Variants in TRAK1 observed in about 807,000 individuals in gnomAD.
The protein encoded by TRAK1 is trafficking kinesin protein 1.
In TRAK1, 33 loss-of-function variants were observed where a neutral mutation model predicts 92.1. The observed-to-expected ratio is 0.36, with a 90% CI of 0.27 to 0.48. The LOEUF (loss-of-function observed/expected upper bound fraction) is 0.48. Ranked by LOEUF, TRAK1 falls within the 20% of genes least tolerant of loss-of-function variation. The pLI, the probability that TRAK1 is intolerant of heterozygous loss-of-function variation, is 0.99. For synonymous variants in TRAK1, 521 were observed against 517.3 expected (o/e 1.01, Z -0.10); for missense variants, 1,123 against 1,257.9 (o/e 0.89, Z 1.62).
intron 1 of TRAK1, among the ~76,000 whole-genome samples, chr3:42,017,751 ATTG>A (rs1420225341): frequency 3.3e-5 from 5 of 152,172 alleles, no homozygotes; most frequent in Non-Finnish European, 5.9e-5. Context: ...TTTAATTATT[ATTG>A]TTAATAGTGC....
chr3:42,168,772 A>G (rs111740386), intron 2 of TRAK1, among the ~76,000 whole-genome samples: 23,788 of 151,896 alleles, frequency 0.16, 2,119 homozygotes, highest in Non-Finnish European at 0.21. Flanking sequence ...GGGATTTGCT[A>G]TATTGTCCAG....
In TRAK1 at chr3:42,176,838, A is replaced by G. The variant is rs759551238; in HGVS notation, c.311A>G (p.Gln104Arg). 6 of 1,614,176 alleles carry G rather than the reference A, an allele frequency of 3.7e-6. No homozygotes were observed. Among genetic ancestry groups the G allele is most frequent in the Non-Finnish European group, 5.1e-6 (6 of 1,180,000 alleles). The stretch of plus-strand genomic sequence containing the variant: ...GTTTTATGTGCTGAAAGAGTTGGCC[A>G]GATGACTAAGACATATAATGACATA... ...YFLLCAERVGQMTKTYNDIDA... is the reference protein window; with the variant it reads ...YFLLCAERVGRMTKTYNDIDA... Residue 104 changes from glutamine (Q) to arginine (R), a missense_variant, in exon 3 of 16, where the codon CAG becomes CGG. Gln to Arg is a conservative substitution (Grantham distance 43). This residue lies in a region of TRAK1 where 686 missense variants were observed against 747.6 expected (regional missense o/e 0.92). Coordinates refer to ENST00000327628, the MANE Select transcript of TRAK1 (RefSeq NM_001042646.3).
At chr3:42,183,158 T>C (rs1704247182) in intron 3 of TRAK1, among the ~76,000 whole-genome samples, 1 of 152,216 alleles carries the variant, frequency 6.6e-6, no homozygotes, top group South Asian at 2.1e-4. Context: ...CACTTTGGTG[T>C]TTTCAATTCT....
At chr3:42,060,240 A>G (rs1188204892) in intron 1 of TRAK1, among the ~76,000 whole-genome samples, 1 of 151,126 alleles carries the variant, frequency 6.6e-6, no homozygotes, top group Admixed American at 6.6e-5. Context: ...CAGAAGGAAT[A>G]GCTTCTAAGA....
upstream of TRAK1, chr3:42,091,286 C>T (rs1705024579): frequency 1.7e-6 from 1 of 575,664 alleles, no homozygotes; most frequent in Non-Finnish European, 3.0e-6. Flanking sequence ...CCCAGGCTGC[C>T]TGGAGTTACA....
chr3:42,151,812 A>C (rs1699985250), intron 2 of TRAK1, among the ~76,000 whole-genome samples: 1 of 152,106 alleles, frequency 6.6e-6, no homozygotes, highest in African/African-American at 2.4e-5. Context: ...TGTCTTTTTT[A>C]TTGCAACTCA....
At chr3:42,082,386 G>C (rs766137045), upstream of TRAK1, among the ~76,000 whole-genome samples, 5 of 152,038 alleles carry the variant, frequency 3.3e-5, no homozygotes, top group Admixed American at 6.6e-5. Context: ...ATCACTTGAG[G>C]CCAGGAGTTT....
chr3:42,186,762 G>A (rs567294003), intron 4 of TRAK1, among the ~76,000 whole-genome samples: 1 of 152,234 alleles, frequency 6.6e-6, no homozygotes, highest in South Asian at 2.1e-4. Context: ...TTTCCCCCTT[G>A]GAAAAGCTTT....
chr3:42,014,806 A>ATTT (rs5848616), intron 1 of TRAK1, among the ~76,000 whole-genome samples: 3 of 147,298 alleles, frequency 2.0e-5, no homozygotes, highest in African/African-American at 7.5e-5. Context: ...TGGACCGCTG[A>ATTT]TTTTTTTTTT....
At chr3:42,156,116 T>C (rs1307474820) in intron 2 of TRAK1, among the ~76,000 whole-genome samples, 1 of 152,190 alleles carries the variant, frequency 6.6e-6, no homozygotes, top group Admixed American at 6.5e-5. Context: ...CCAGGCTCCA[T>C]GTCCAGCCTG....
At chr3:42,134,277 C>CT (rs1697635387) in intron 2 of TRAK1, among the ~76,000 whole-genome samples, 1 of 146,524 alleles carries the variant, frequency 6.8e-6, no homozygotes, top group South Asian at 2.2e-4. Flanking sequence ...CTTTCCTTTC[C>CT]TTTTACCTTA....
At chr3:42,119,773 T>C (rs1302434645) in intron 1 of TRAK1, among the ~76,000 whole-genome samples, 2 of 152,164 alleles carry the variant, frequency 1.3e-5, no homozygotes, top group African/African-American at 4.8e-5. Flanking sequence ...AACACAGTTT[T>C]TAGCTGGTTG....
chr3:42,160,354 C>T, intron 2 of TRAK1: 1 of 1,614,004 alleles, frequency 6.2e-7, no homozygotes, highest in African/African-American at 1.3e-5. Flanking sequence ...TTTGGGGTGA[C>T]TTCAGCAATG....
chr3:42,129,157 A>G (rs1696863919), intron 2 of TRAK1, among the ~76,000 whole-genome samples: 1 of 152,206 alleles, frequency 6.6e-6, no homozygotes, highest in Non-Finnish European at 1.5e-5. Context: ...TGCTGTGTGC[A>G]TGGTATCCTT....
intron 2 of TRAK1, among the ~76,000 whole-genome samples, chr3:42,158,230 C>T (rs1322467897): frequency 6.6e-6 from 1 of 152,084 alleles, no homozygotes; most frequent in Non-Finnish European, 1.5e-5. Flanking sequence ...AGTAAAGTCA[C>T]TTGATAGTAT....
At chr3:42,085,539 A>G (rs2148955976), upstream of TRAK1, among the ~76,000 whole-genome samples, 1 of 152,374 alleles carries the variant, frequency 6.6e-6, no homozygotes, top group African/African-American at 2.4e-5. Context: ...TGTAATAGGA[A>G]TTCCTGGTGT....
intron 2 of TRAK1, among the ~76,000 whole-genome samples, chr3:42,145,131 T>A (rs1213270842): frequency 6.6e-6 from 1 of 152,260 alleles, no homozygotes; most frequent in Non-Finnish European, 1.5e-5. Flanking sequence ...CATTTTAGTA[T>A]CTATTTTCTT....
At chr3:42,078,244 G>A (rs1453310353) in intron 1 of TRAK1, among the ~76,000 whole-genome samples, 1 of 152,114 alleles carries the variant, frequency 6.6e-6, no homozygotes, top group African/African-American at 2.4e-5. Context: ...CCCTGTGGGA[G>A]GCAAATCTAA....
At chr3:42,187,723 T>C (rs1054477038) in intron 4 of TRAK1, among the ~76,000 whole-genome samples, 1 of 152,074 alleles carries the variant, frequency 6.6e-6, no homozygotes, top group Non-Finnish European at 1.5e-5. Context: ...TGCCTCGGCC[T>C]CCCAAAATGC....
Sources: gnomAD v4.1 joint callset for allele counts (sites outside exome capture counted in the v4.1 genomes callset) on GRCh38, gnomAD v4.1.1 for gene constraint, gnomAD v4.1.1 regional missense constraint, MANE v1.5 for transcripts, NCBI Gene and HGNC (gene_info 2026-07-23, HGNC 2026-07-21) for gene names.